GIGYF2: variants seen among roughly 807,000 people sequenced by gnomAD.
GIGYF2 encodes the protein GRB10-interacting GYF protein 2.
Under a neutral mutation model 208.1 loss-of-function variants are expected in GIGYF2, and 25 were observed. The observed-to-expected ratio is 0.12, with a 90% CI of 0.09 to 0.17. The LOEUF is 0.17. GIGYF2 is among the 10% of genes least tolerant of loss of function. GIGYF2 has a pLI of 1.00. For missense variants in GIGYF2, 1,302 were observed against 1,579.4 expected (o/e 0.82, Z 2.98); for synonymous variants, 534 against 543.8 (o/e 0.98, Z 0.25).
rs1482661201 is a variant in GIGYF2, at chr2:232,735,962, T to TA, written c.41+728dup. On this transcript the variant is annotated intron_variant, in intron 3 of 28. Coordinates refer to ENST00000373563, the MANE Select transcript of GIGYF2 (RefSeq NM_001103146.3). ...CTTTGGTAATATCAGAAGTAGTATC[T>TA]AAAATAGATAAATTGGATTTGTGTC... 28 of 983,984 alleles carry TA rather than the reference T, an allele frequency of 2.8e-5. No individual in the cohort carries two copies. The Middle Eastern group carries it at 2.1e-3, about 73-fold the overall frequency. 61.0% of individuals were successfully genotyped at this position (983,984 alleles called of 1,614,324 possible).
intron 2 of GIGYF2, among the ~76,000 whole-genome samples, chr2:232,726,603 A>T (rs77161777): frequency 0.017 from 2,654 of 152,118 alleles, 88 homozygotes; most frequent in African/African-American, 0.061. Context: ...ATAAATAAAT[A>T]AGAGAGTTTT....
chr2:232,858,545 T>C lies in GIGYF2; in HGVS notation c.*1685T>C, dbSNP rs1224337245. The C allele has an allele frequency of 2.2e-6, 1 of 456,450 alleles. No homozygotes were observed. Among genetic ancestry groups the C allele is most frequent in the Non-Finnish European group, 4.4e-6 (1 of 226,782 alleles). 28.3% of individuals were successfully genotyped at this position (456,450 alleles called of 1,614,324 possible). On this transcript the variant is annotated 3_prime_UTR_variant, in exon 29 of 29. Transcript: ENST00000373563. ...GGGTAAGAGGGATAGTTAAAATGTT[T>C]ACAAAACTTTAGGCTCCCTCGGAAC...
chr2:232,802,359 T>C (rs1700424023), intron 14 of GIGYF2, among the ~76,000 whole-genome samples: 1 of 152,194 alleles, frequency 6.6e-6, no homozygotes, highest in Admixed American at 6.5e-5. Context: ...TTTCAGTTTT[T>C]CACTATTGAA....
intron 2 of GIGYF2, among the ~76,000 whole-genome samples, chr2:232,704,792 G>A (rs150963353): frequency 4.0e-5 from 6 of 149,704 alleles, no homozygotes; most frequent in Admixed American, 3.3e-4. Flanking sequence ...CAAAGGAGAA[G>A]TTTCATGTGG....
At chr2:232,819,246 G>A (rs1182904908) in intron 20 of GIGYF2, among the ~76,000 whole-genome samples, 1 of 152,198 alleles carries the variant, frequency 6.6e-6, no homozygotes, top group Non-Finnish European at 1.5e-5. Flanking sequence ...GATTATTGCA[G>A]TAAAAAAGTA....
chr2:232,801,699 T>C (rs1700405046), intron 14 of GIGYF2, among the ~76,000 whole-genome samples: 2 of 152,326 alleles, frequency 1.3e-5, no homozygotes, highest in Middle Eastern at 3.4e-3. Context: ...CTATAGTCAT[T>C]GTTGCATGAT....
At chr2:232,790,243 T>A (rs1255628509) in intron 9 of GIGYF2, among the ~76,000 whole-genome samples, 1 of 152,162 alleles carries the variant, frequency 6.6e-6, no homozygotes, top group Non-Finnish European at 1.5e-5. Context: ...GGGAGCTGAT[T>A]TTATCCACAA....
At chr2:232,814,982 T>C (rs1700867001) in intron 18 of GIGYF2, among the ~76,000 whole-genome samples, 1 of 152,226 alleles carries the variant, frequency 6.6e-6, no homozygotes, top group Non-Finnish European at 1.5e-5. Context: ...AACCATTATC[T>C]GTTTGTTTAC....
At chr2:232,817,446 A>G (rs1408804517) in intron 20 of GIGYF2, among the ~76,000 whole-genome samples, 2 of 152,214 alleles carry the variant, frequency 1.3e-5, no homozygotes, top group East Asian at 3.9e-4. Flanking sequence ...TGTTAAGTAT[A>G]TTCATTCATA....
chr2:232,737,583 A>G (rs66549961), intron 3 of GIGYF2, among the ~76,000 whole-genome samples: 48,881 of 152,006 alleles, frequency 0.32, 8,214 homozygotes, highest in South Asian at 0.62. Flanking sequence ...GGAAAGTTGC[A>G]GTAGGAGTAG....
intron 16 of GIGYF2, chr2:232,810,479 CA>C (rs1700702932): frequency 6.5e-6 from 1 of 153,004 alleles, no homozygotes; most frequent in Admixed American, 6.5e-5. Flanking sequence ...GGAATGATGG[CA>C]AAGTCAGTCA....
At chr2:232,735,369 A>G (rs1697690225) in intron 3 of GIGYF2, 131 bp downstream of exon 3, 1 of 707,182 alleles carries the variant, frequency 1.4e-6, no homozygotes, top group African/African-American at 1.8e-5. Flanking sequence ...CGCTGAAAAC[A>G]ATGTGTTAGT....
chr2:232,766,983 T>C (rs901710627), intron 8 of GIGYF2: 1 of 152,154 alleles, frequency 6.6e-6, no homozygotes, highest in South Asian at 2.1e-4. Flanking sequence ...CTTTTTTTTA[T>C]TGAAATGAAA....
At chr2:232,744,033 A>G (rs1361396786) in intron 3 of GIGYF2, among the ~76,000 whole-genome samples, 3 of 151,982 alleles carry the variant, frequency 2.0e-5, no homozygotes, top group Non-Finnish European at 4.4e-5. Context: ...TTTTGGAGAG[A>G]CAGGATCTCA....
chr2:232,719,864 A>G (rs115845643), intron 2 of GIGYF2, among the ~76,000 whole-genome samples: 1,725 of 152,252 alleles, frequency 0.011, 20 homozygotes, highest in Non-Finnish European at 0.017. Context: ...ATTTTGAGTA[A>G]TGGACAAAGT....
At chr2:232,713,078 T>C (rs1322030431) in intron 2 of GIGYF2, among the ~76,000 whole-genome samples, 1 of 23,710 alleles carries the variant, frequency 4.2e-5, no homozygotes, top group African/African-American at 3.3e-4. Context: ...TAGAAAAAAC[T>C]TCTTTTTTTT....
At chr2:232,727,548 T>C (rs1018548236) in intron 2 of GIGYF2, among the ~76,000 whole-genome samples, 7 of 152,312 alleles carry the variant, frequency 4.6e-5, no homozygotes, top group Middle Eastern at 3.4e-3. Context: ...GAGGTTAATA[T>C]GGGTCTATTT....
At chr2:232,762,851 A>G (rs534468112) in intron 8 of GIGYF2, among the ~76,000 whole-genome samples, 1 of 152,106 alleles carries the variant, frequency 6.6e-6, no homozygotes, top group East Asian at 1.9e-4. Flanking sequence ...CCATGTCTCT[A>G]CAAAAAAGTA....
At chr2:232,842,469 A>G (rs1433438320) in intron 23 of GIGYF2, among the ~76,000 whole-genome samples, 1 of 152,118 alleles carries the variant, frequency 6.6e-6, no homozygotes, top group Non-Finnish European at 1.5e-5. Flanking sequence ...TTACCTCTCT[A>G]AGGATATTAC....
Sources: gnomAD v4.1 joint callset for allele counts (sites outside exome capture counted in the v4.1 genomes callset) on GRCh38, gnomAD v4.1.1 for gene constraint, MANE v1.5 for transcripts, NCBI Gene and HGNC (gene_info 2026-07-23, HGNC 2026-07-21) for gene names.